RCSD1: variants seen among roughly 807,000 people sequenced by gnomAD.
RCSD1 encodes the protein RCSD domain containing 1, also known as capZ-interacting protein.
Under a neutral mutation model 42.5 loss-of-function variants are expected in RCSD1, and 26 were observed. The ratio of observed to expected loss-of-function variants is 0.61; its 90% CI spans 0.45 to 0.85. The LOEUF is 0.85. RCSD1 is among the 40% of genes least tolerant of loss of function. The pLI is 0.00. For synonymous variants in RCSD1, 220 were observed against 212.2 expected (o/e 1.04, Z -0.32); for missense variants, 571 against 528.3 (o/e 1.08, Z -0.79).
At chr1:167,673,851 C>T (rs1658871810) in intron 1 of RCSD1, among the ~76,000 whole-genome samples, 1 of 152,232 alleles carries the variant, frequency 6.6e-6, no homozygotes, top group South Asian at 2.1e-4. Flanking sequence ...CCCACCTTCT[C>T]TCCTAGCAAG....
At chr1:167,702,375 T>C (rs1659663736) in intron 6 of RCSD1, among the ~76,000 whole-genome samples, 2 of 152,244 alleles carry the variant, frequency 1.3e-5, no homozygotes, top group Admixed American at 6.5e-5. Flanking sequence ...ATTTCAATCA[T>C]AGGCAAGCTG....
chr1:167,661,292 G>A (rs1352455618), intron 1 of RCSD1, among the ~76,000 whole-genome samples: 1 of 152,200 alleles, frequency 6.6e-6, no homozygotes, highest in African/African-American at 2.4e-5. Flanking sequence ...GTGCAGGTCT[G>A]GGACTAGACC....
chr1:167,686,143 G>T (rs146128685), intron 3 of RCSD1, among the ~76,000 whole-genome samples: 1 of 152,168 alleles, frequency 6.6e-6, no homozygotes, highest in Non-Finnish European at 1.5e-5. Context: ...AATTGTAGCT[G>T]CAGGAGTGCC....
chr1:167,643,869 A>G (rs1446724343), intron 1 of RCSD1, among the ~76,000 whole-genome samples: 1 of 152,244 alleles, frequency 6.6e-6, no homozygotes, highest in Non-Finnish European at 1.5e-5. Context: ...CATTTAGAAG[A>G]GAACAGCCTC....
chr1:167,692,753 G>A (rs2101716956), intron 4 of RCSD1, among the ~76,000 whole-genome samples: 1 of 152,260 alleles, frequency 6.6e-6, no homozygotes, highest in South Asian at 2.1e-4. Context: ...AGTCTTGTCT[G>A]TATGATACCT....
intron 6 of RCSD1, among the ~76,000 whole-genome samples, chr1:167,701,267 T>C (rs1016010960): frequency 1.5e-5 from 2 of 132,656 alleles, no homozygotes; most frequent in Non-Finnish European, 3.2e-5. Context: ...TTTCTTTCTT[T>C]CTTTCTTTCT....
At chr1:167,652,755 G>T (rs538883247) in intron 1 of RCSD1, among the ~76,000 whole-genome samples, 26 of 152,086 alleles carry the variant, frequency 1.7e-4, no homozygotes, top group Non-Finnish European at 2.8e-4. Context: ...ATCTCCATGT[G>T]TGAGAAATGT....
At chr1:167,686,009 C>CA (rs1659227118) in intron 3 of RCSD1, among the ~76,000 whole-genome samples, 1 of 152,234 alleles carries the variant, frequency 6.6e-6, no homozygotes, top group African/African-American at 2.4e-5. Flanking sequence ...CCAGAGCGCA[C>CA]AGGAGGCCTC....
intron 1 of RCSD1, among the ~76,000 whole-genome samples, chr1:167,675,696 T>A (rs563175329): frequency 1.3e-5 from 2 of 152,184 alleles, no homozygotes; most frequent in Admixed American, 6.5e-5. Context: ...TATTTATTTT[T>A]TAATTGCTAG....
chr1:167,671,483 C>G (rs1173452735), intron 1 of RCSD1, among the ~76,000 whole-genome samples: 1 of 152,206 alleles, frequency 6.6e-6, no homozygotes, highest in African/African-American at 2.4e-5. Flanking sequence ...CTCCTGCTCT[C>G]CTCCACACTC....
chr1:167,648,397 G>T (rs1476239176), intron 1 of RCSD1, among the ~76,000 whole-genome samples: 1 of 152,218 alleles, frequency 6.6e-6, no homozygotes, highest in Non-Finnish European at 1.5e-5. Flanking sequence ...TGCCAAATCA[G>T]CCCTGGCCTT....
intron 1 of RCSD1, among the ~76,000 whole-genome samples, chr1:167,682,753 T>G (rs911681472): frequency 3.0e-4 from 46 of 151,918 alleles, no homozygotes; most frequent in African/African-American, 1.1e-3. Context: ...ATCCTTTGTT[T>G]TTGTAGACCA....
chr1:167,654,569 G>A (rs1658380930), intron 1 of RCSD1, among the ~76,000 whole-genome samples: 1 of 152,136 alleles, frequency 6.6e-6, no homozygotes, highest in African/African-American at 2.4e-5. Flanking sequence ...AGCCTCCATA[G>A]TTACCTTTCT....
chr1:167,647,937 G>A (rs947057424), intron 1 of RCSD1, among the ~76,000 whole-genome samples: 4 of 150,886 alleles, frequency 2.7e-5, no homozygotes, highest in Admixed American at 2.0e-4. Flanking sequence ...TCTTTTTTTT[G>A]TTCCTTGAAA....
At chr1:167,659,319 T>C (rs1658493010) in intron 1 of RCSD1, among the ~76,000 whole-genome samples, 1 of 152,222 alleles carries the variant, frequency 6.6e-6, no homozygotes, top group South Asian at 2.1e-4. Context: ...TAGAATACTT[T>C]TCCAGGTCTC....
intron 1 of RCSD1, among the ~76,000 whole-genome samples, chr1:167,675,386 C>T (rs769114635): frequency 5.3e-5 from 8 of 152,092 alleles, no homozygotes; most frequent in Admixed American, 3.3e-4. Flanking sequence ...TGCAGGGGAA[C>T]TCCCCTTTAT....
At chr1:167,636,580 G>T (rs373417098) in intron 1 of RCSD1, among the ~76,000 whole-genome samples, 2 of 150,582 alleles carry the variant, frequency 1.3e-5, no homozygotes, top group African/African-American at 2.4e-5. Flanking sequence ...GCTTCTTTTT[G>T]TTTTTTTTTG....
rs923011468 is a variant in RCSD1 at position 167,705,546 on chromosome 1, T to C, written c.*850T>C. ...GCAGTGATACCTGAATAATGCTGGC[T>C]CTCCGATTGATCCTGTGAGGATGAA... On this transcript the variant is annotated 3_prime_UTR_variant, in exon 7 of 7. Transcript: ENST00000367854. 1.3e-5 allele frequency: 2 copies of C among 152,200 alleles called. No homozygotes were observed. The allele number at this position is 152,200 out of a possible 1,614,324, so 9.4% of individuals were successfully genotyped here. A position where few individuals can be genotyped will look rare whatever the true frequency, so the allele number is the denominator to read the frequency against.
intron 1 of RCSD1, among the ~76,000 whole-genome samples, chr1:167,656,607 A>T (rs901751228): frequency 2.0e-5 from 3 of 152,240 alleles, no homozygotes; most frequent in African/African-American, 7.2e-5. Context: ...AATGTAACAC[A>T]GGTAGACAGT....
Sources: allele counts gnomAD v4.1 joint callset (sites outside exome capture counted in the v4.1 genomes callset), GRCh38; gene constraint gnomAD v4.1.1; transcripts MANE v1.5; gene names NCBI Gene and HGNC (gene_info 2026-07-23, HGNC 2026-07-21).